RYR1: variants seen among roughly 807,000 people sequenced by gnomAD.
RYR1 encodes the protein central core disease of muscle.
A neutral mutation model predicts 583.5 loss-of-function variants in RYR1; 342 were observed. That is an observed-to-expected ratio of 0.59 (90% CI 0.54 to 0.64). The LOEUF (loss-of-function observed/expected upper bound fraction) is 0.64. RYR1 is among the 30% of genes least tolerant of loss of function. RYR1 has a pLI of 0.00. For synonymous variants in RYR1, 2,791 were observed against 2,822.5 expected (o/e 0.99, Z 0.35); for missense variants, 6,032 against 6,917.2 (o/e 0.87, Z 4.54).
chr19:38,567,957 G>A (rs370816797), intron 93 of RYR1, 40 bp downstream of exon 93: 125 of 1,608,714 alleles, frequency 7.8e-5, no homozygotes, highest in African/African-American at 7.1e-4. Context: ...TCTTCTCCCC[G>A]GGAGCCCCAC....
intron 28 of RYR1, 113 bp downstream of exon 28, chr19:38,473,884 C>G: frequency 1.3e-6 from 1 of 747,648 alleles, no homozygotes; most frequent in Non-Finnish European, 2.1e-6. Flanking sequence ...CCCATATATG[C>G]TAAGTGGAGT....
chr19:38,474,347 C>T (rs1459805559), intron 28 of RYR1, among the ~76,000 whole-genome samples: 1 of 151,958 alleles, frequency 6.6e-6, no homozygotes, highest in African/African-American at 2.4e-5. Context: ...ACTGCAACCT[C>T]CACCTCCCGG....
rs749913993 is a variant in RYR1 at position 38,486,016 on chromosome 19, A to G, written c.5361A>G (p.Pro1787=). Residue 1787 remains proline (P), a synonymous_variant, in exon 34 of 106, where the codon CCA becomes CCG. Transcript: ENST00000359596. ...FSPPCFVAAL[P]AAGAAEAPAR... is the part of the protein sequence containing the mutation. ...CCCCCTGTTTCGTGGCCGCTCTGCC[A>G]GCTGCTGGGGCAGCAGAGGCCCCGG... The G allele has an allele frequency of 2.5e-6, 4 of 1,613,440 alleles. No individual in the cohort carries two copies. Among genetic ancestry groups the G allele is most frequent in the Non-Finnish European group, 3.4e-6 (4 of 1,179,856 alleles).
chr19:38,499,845 A>G lies in RYR1; in HGVS notation c.7214+24A>G, dbSNP rs761913070. The G allele has an allele frequency of 1.2e-5, 19 of 1,610,690 alleles. No individual in the cohort carries two copies. The East Asian group carries it at 3.1e-4, about 26-fold the overall frequency. On this transcript the variant is annotated intron_variant, in intron 44 of 105. Transcript: ENST00000359596. This position sits in a 1 kb window ranked among gnomAD's most constrained non-coding sequence, Gnocchi z 7.3. ...CAGTGAGTCTCCCGGCCCCCTCCTCAATAGGGCAACCCGCCCTCCCTGGCC... is the reference window on the plus strand; with the variant it reads ...CAGTGAGTCTCCCGGCCCCCTCCTCGATAGGGCAACCCGCCCTCCCTGGCC...
intron 89 of RYR1, among the ~76,000 whole-genome samples, chr19:38,550,474 G>A (rs1972618501): frequency 6.6e-6 from 1 of 152,112 alleles, no homozygotes; most frequent in South Asian, 2.1e-4. Context: ...AATGTATTAG[G>A]AGGCACATGT....
In RYR1 at chr19:38,443,738, C is replaced by A; in HGVS notation, c.366C>A (p.Thr122=). The change falls in exon 5 of 106, where the codon ACC becomes ACA. Residue 122 remains threonine, a synonymous_variant. Coordinates refer to ENST00000359596, the MANE Select transcript of RYR1 (RefSeq NM_000540.3). ...CCTAGTATCTGAGCTGCCTCACCAC[C>A]TCCCGCTCCATGACTGACAAGCTGG... ...HSRMYLSCLT[T]SRSMTDKLAF... 1.2e-6 allele frequency: 2 copies of A among 1,614,114 alleles called. No individual in the cohort carries two copies. Among genetic ancestry groups the A allele is most frequent in the Non-Finnish European group, 1.7e-6 (2 of 1,179,996 alleles).
At chr19:38,574,089 A>G (rs1973847155) in intron 96 of RYR1, among the ~76,000 whole-genome samples, 1 of 151,942 alleles carries the variant, frequency 6.6e-6, no homozygotes, top group African/African-American at 2.4e-5. Flanking sequence ...AAATACAAAA[A>G]TTAGTCTCTA....
chr19:38,545,336 A>G (rs1367495824), intron 87 of RYR1, among the ~76,000 whole-genome samples: 1 of 152,186 alleles, frequency 6.6e-6, no homozygotes, highest in Non-Finnish European at 1.5e-5. Context: ...CACCCACTGT[A>G]AGATCTTGAG....
At chr19:38,586,702 G>A (rs749229717) in intron 105 of RYR1, 126 bp downstream of exon 105, 182 of 943,208 alleles carry the variant, frequency 1.9e-4, no homozygotes, top group Non-Finnish European at 2.0e-4. Context: ...TGGGCACGGC[G>A]GCTCACGCCT....
chr19:38,587,178 G>C, intron 105 of RYR1, 147 bp from the exon 106 acceptor site: 1 of 664,638 alleles, frequency 1.5e-6, no homozygotes, highest in Non-Finnish European at 2.7e-6. Context: ...AGAATCGCTT[G>C]AGCCAGGAGG....
At chr19:38,435,260 G>A (rs73044964) in intron 1 of RYR1, among the ~76,000 whole-genome samples, 7,123 of 152,286 alleles carry the variant, frequency 0.047, 248 homozygotes, top group Non-Finnish European at 0.075. Flanking sequence ...TCAAGGCCAG[G>A]AAGTGGCATC....
intron 76 of RYR1, 76 bp downstream of exon 76, chr19:38,529,133 C>T: frequency 6.8e-7 from 1 of 1,470,716 alleles, no homozygotes; most frequent in Non-Finnish European, 9.5e-7. Context: ...CTTCCCTGTG[C>T]CTCAGGAGAG....
At chr19:38,475,005 C>T (rs1968641722) in intron 28 of RYR1, among the ~76,000 whole-genome samples, 2 of 152,142 alleles carry the variant, frequency 1.3e-5, no homozygotes, top group Admixed American at 6.6e-5. Flanking sequence ...TGTCCTTTTC[C>T]AAGTGCATTT....
At position 38,525,352 on chromosome 19, in the gene RYR1, A is replaced by G. The variant is rs767496164; in HGVS notation, c.10476A>G (p.Glu3492=). 26 of 1,602,524 alleles carry G rather than the reference A, an allele frequency of 1.6e-5. No individual in the cohort carries two copies. In the Admixed American group the frequency reaches 2.7e-4, roughly 17 times the overall value. The change falls in exon 71 of 106, where the codon GAA becomes GAG. Residue 3492 remains glutamate, a synonymous_variant. Transcript: ENST00000359596. The part of the protein sequence containing the change: ...GDIQSGGSDQ[E]RTKKKRRGDR... ...CACAGTCCGGTGGCTCGGACCAGGA[A>G]CGCACCAAGAAGAAGCGCCGGGGGG...
At chr19:38,492,408 A>G in intron 37 of RYR1, 82 bp from the exon 38 acceptor site, 2 of 1,495,176 alleles carry the variant, frequency 1.3e-6, no homozygotes, top group Non-Finnish European at 1.9e-6. Flanking sequence ...ATGCATGCAC[A>G]TATGCACAAA....
chr19:38,492,469 C>T (rs531743144), intron 37 of RYR1, 21 bp from the exon 38 acceptor site: 28 of 1,613,858 alleles, frequency 1.7e-5, no homozygotes, highest in South Asian at 4.4e-5. Context: ...TGACATTTCC[C>T]GCCTTCTTGA....
In RYR1 at chr19:38,446,474, T is replaced by A; in HGVS notation, c.634T>A (p.Phe212Ile). Residue 212 changes from phenylalanine to isoleucine, a missense_variant and splice_region_variant, in exon 8 of 106, where the codon TTC (phenylalanine) becomes ATC (isoleucine). Physicochemically the swap from Phe to Ile is conservative, Grantham distance 21. Coordinates refer to ENST00000359596, the MANE Select transcript of RYR1 (RefSeq NM_000540.3). Reference protein sequence around the residue: ...NPICSRCEEGFVTGGHVLRLF... With the variant: ...NPICSRCEEGIVTGGHVLRLF... ...CAACTTCCCTTGCTCCTCTCCAGGC[T>A]TCGTGACGGGAGGTCACGTCCTCCG... is the stretch of plus-strand genomic sequence containing the variant. The A allele has an allele frequency of 6.2e-7, 1 of 1,613,490 alleles. No homozygotes were observed.
At chr19:38,517,895 C>T (rs1971048619) in intron 66 of RYR1, among the ~76,000 whole-genome samples, 3 of 152,200 alleles carry the variant, frequency 2.0e-5, no homozygotes, top group Non-Finnish European at 4.4e-5. Context: ...CAGTTGAGGC[C>T]AGCCATTTGC....
intron 102 of RYR1, 73 bp downstream of exon 102, chr19:38,585,172 C>A: frequency 6.4e-7 from 1 of 1,552,166 alleles, no homozygotes; most frequent in Non-Finnish European, 8.8e-7. Flanking sequence ...GGCCCAGGAT[C>A]CAGTCGGCCT....
Sources: allele counts gnomAD v4.1 joint callset (sites outside exome capture counted in the v4.1 genomes callset), GRCh38; gene constraint gnomAD v4.1.1; non-coding constraint Gnocchi (gnomAD v3.1); transcripts MANE v1.5; gene names NCBI Gene and HGNC (gene_info 2026-07-23, HGNC 2026-07-21).